Variants in SHCBP1L observed in about 807,000 individuals in gnomAD.
SHCBP1L encodes testicular spindle-associated protein SHCBP1L.
SHCBP1L carries 67 observed loss-of-function variants against 62.5 expected under a neutral mutation model. The observed-to-expected ratio is 1.07, with a 90% CI of 0.88 to 1.31. The LOEUF (loss-of-function observed/expected upper bound fraction) is 1.31. SHCBP1L is among the 40% of genes most tolerant of loss of function. The pLI, the probability that SHCBP1L is intolerant of heterozygous loss-of-function variation, is 0.00. For missense variants in SHCBP1L, 823 were observed against 809.8 expected (o/e 1.02, Z -0.20); for synonymous variants, 284 against 289.4 (o/e 0.98, Z 0.19).
chr1:182,936,889 A>T (rs1177762660), intron 5 of SHCBP1L, among the ~76,000 whole-genome samples: 3 of 151,826 alleles, frequency 2.0e-5, no homozygotes, highest in African/African-American at 7.3e-5. Context: ...CCTCCACAAA[A>T]ATAAAAATAA....
intron 6 of SHCBP1L, among the ~76,000 whole-genome samples, chr1:182,914,090 G>A (rs971879394): frequency 3.9e-5 from 6 of 152,202 alleles, no homozygotes; most frequent in African/African-American, 1.4e-4. Flanking sequence ...GATTAAGGCT[G>A]CTTTCTCATC....
chr1:182,944,885 T>C (rs890444964), intron 2 of SHCBP1L, among the ~76,000 whole-genome samples: 1 of 151,990 alleles, frequency 6.6e-6, no homozygotes, highest in Non-Finnish European at 1.5e-5. Context: ...TTTTCATTCC[T>C]GCAAAAAACG....
At chr1:182,926,593 T>C (rs1650754141) in intron 6 of SHCBP1L, among the ~76,000 whole-genome samples, 1 of 152,198 alleles carries the variant, frequency 6.6e-6, no homozygotes, top group Non-Finnish European at 1.5e-5. Context: ...CATAGAAATA[T>C]TAAGAAGCAA....
At chr1:182,918,171 C>CATATATACATATATACACAT (rs1650416289) in intron 6 of SHCBP1L, among the ~76,000 whole-genome samples, 2 of 139,032 alleles carry the variant, frequency 1.4e-5, no homozygotes, top group African/African-American at 5.5e-5. Context: ...TATATACACA[C>CATATATACATATATACACAT]ATATATACAT....
chr1:182,928,472 G>C (rs1480826105), intron 6 of SHCBP1L, among the ~76,000 whole-genome samples: 2 of 152,238 alleles, frequency 1.3e-5, no homozygotes, highest in Admixed American at 6.5e-5. Flanking sequence ...ATTGTATACA[G>C]CAGTCTAATG....
At chr1:182,918,585 A>G (rs1474762535) in intron 6 of SHCBP1L, among the ~76,000 whole-genome samples, 6 of 152,186 alleles carry the variant, frequency 3.9e-5, no homozygotes, top group Admixed American at 6.5e-5. Flanking sequence ...TACTACTTAC[A>G]TTGATCTACA....
chr1:182,900,347 AC>A, intron 9 of SHCBP1L, 113 bp from the exon 10 acceptor site: 1 of 854,546 alleles, frequency 1.2e-6, no homozygotes, highest in South Asian at 2.4e-5. Context: ...ATTTTTTAAA[AC>A]AACCAAGACT....
chr1:182,931,111 A>G (rs551534668), intron 5 of SHCBP1L, among the ~76,000 whole-genome samples: 1 of 152,240 alleles, frequency 6.6e-6, no homozygotes, highest in Non-Finnish European at 1.5e-5. Flanking sequence ...TATGCAAGTT[A>G]TTAAAAACTG....
rs1375364989 is a variant in SHCBP1L at position 182,903,056 on chromosome 1, C to T, written c.1693G>A (p.Gly565Ser). The change falls in exon 9 of 10, where the codon GGT becomes AGT. Residue 565 changes from glycine (G) to serine (S), a missense_variant. Gly to Ser is a moderately conservative substitution (Grantham distance 56). Transcript: ENST00000367547. ...GAGAATACCTTCATATTAACTCCAC[C>T]TAAGGTGCTTTTTGAACTGTTACTG... ...RTSNSSKSTL[G>S]GVNMKVLPAP... 1 of 1,592,062 alleles carries T rather than the reference C, an allele frequency of 6.3e-7. No individual in the cohort carries two copies. The highest frequency in any genetic ancestry group is 1.2e-5 in the South Asian group (1 of 86,534).
chr1:182,951,104 T>G (rs1197308471), intron 2 of SHCBP1L, among the ~76,000 whole-genome samples: 1 of 152,192 alleles, frequency 6.6e-6, no homozygotes, highest in African/African-American at 2.4e-5. Context: ...CTAATAAATA[T>G]TGTCTGATAC....
chr1:182,921,458 C>T (rs771923031), intron 6 of SHCBP1L, among the ~76,000 whole-genome samples: 23 of 152,136 alleles, frequency 1.5e-4, no homozygotes, highest in Non-Finnish European at 2.8e-4. Context: ...TGCATAACAA[C>T]GAGCTAATAG....
chr1:182,924,975 A>AAAG (rs1491508466), intron 6 of SHCBP1L, among the ~76,000 whole-genome samples: 60 of 128,504 alleles, frequency 4.7e-4, no homozygotes, highest in Non-Finnish European at 7.1e-4. Flanking sequence ...AGAAAGAAAG[A>AAAG]AAAAAAAAGG....
chr1:182,940,009 T>C (rs1411318680), intron 3 of SHCBP1L, among the ~76,000 whole-genome samples: 1 of 152,132 alleles, frequency 6.6e-6, no homozygotes, highest in African/African-American at 2.4e-5. Flanking sequence ...GAGAAATGAA[T>C]GTTAATAAAT....
Position 182,929,686 on chromosome 1 carries a change from A to G in SHCBP1L, c.1143T>C (p.Thr381=), listed in dbSNP as rs748536878. The change falls in exon 6 of 10, where the codon ACT becomes ACC. Residue 381 remains threonine (T), a synonymous_variant. Transcript: ENST00000367547. ...RRKGKREFGK[T]ITHIVAKMMT... ...TCATTTTTGCTACAATATGTGTTAT[A>G]GTCTTTCCAAATTCTCTTTTTCCTT... 3.1e-6 allele frequency: 5 copies of G among 1,593,972 alleles called. No individual in the cohort carries two copies. The East Asian group carries it at 9.0e-5, about 29-fold the overall frequency.
At chr1:182,918,147 TATATATACACATATATATACACAC>T (rs1557994169) in intron 6 of SHCBP1L, among the ~76,000 whole-genome samples, 1 of 133,630 alleles carries the variant, frequency 7.5e-6, no homozygotes. Flanking sequence ...TATATACACA[TATATATACACATATATATACACAC>T]ATATATACAT....
intron 6 of SHCBP1L, among the ~76,000 whole-genome samples, chr1:182,917,825 T>C (rs971237790): frequency 1.2e-4 from 18 of 152,256 alleles, no homozygotes; most frequent in African/African-American, 3.6e-4. Flanking sequence ...GCTTACATTT[T>C]AGGGTACTGG....
In SHCBP1L at chr1:182,904,239, C is replaced by G; in HGVS notation, c.1528G>C (p.Val510Leu). 2 of 1,614,168 alleles carry G rather than the reference C, an allele frequency of 1.2e-6. 1 individual carries two copies. The highest frequency in any genetic ancestry group is 2.2e-5 in the South Asian group (2 of 91,088). Reference protein sequence around the residue: ...NCILKCEGTGVCVLTGAALTI... With the variant: ...NCILKCEGTGLCVLTGAALTI... Reference sequence around the variant, plus strand: ...AAAGCAGCCCCTGTAAGAACACACACTCCTGTTCCTTCACATTTTAATATG... The same window carrying G: ...AAAGCAGCCCCTGTAAGAACACACAGTCCTGTTCCTTCACATTTTAATATG... Residue 510 changes from valine to leucine, a missense_variant, in exon 8 of 10, where the codon GTG (valine) becomes CTG (leucine). Coordinates refer to ENST00000367547, the MANE Select transcript of SHCBP1L (RefSeq NM_030933.4).
In SHCBP1L at chr1:182,904,307, C is replaced by A; in HGVS notation, c.1460G>T (p.Gly487Val). 6.2e-7 allele frequency: 1 copy of A among 1,614,114 alleles called. No homozygotes were observed. The highest frequency in any genetic ancestry group is 1.1e-5 in the South Asian group (1 of 91,076). ...LSLIQQGTVD[G>V]IVVVESGHMT... ...GTGACCAGACTCCACCACCACGATA[C>A]CATCAACCGTCCCTTGTTGTATCAA... Residue 487 changes from glycine (G) to valine (V), a missense_variant, in exon 8 of 10, where the codon GGT (glycine) becomes GTT (valine). Gly to Val is a moderately radical substitution (Grantham distance 109). Coordinates refer to ENST00000367547, the MANE Select transcript of SHCBP1L (RefSeq NM_030933.4).
At chr1:182,915,389 G>A (rs1241755258) in intron 6 of SHCBP1L, among the ~76,000 whole-genome samples, 1 of 152,032 alleles carries the variant, frequency 6.6e-6, no homozygotes, top group East Asian at 1.9e-4. Flanking sequence ...TCATCAAGAA[G>A]ATGTACCAAT....
Sources: gnomAD v4.1 joint callset for allele counts (sites outside exome capture counted in the v4.1 genomes callset) on GRCh38, gnomAD v4.1.1 for gene constraint, MANE v1.5 for transcripts, NCBI Gene and HGNC (gene_info 2026-07-23, HGNC 2026-07-21) for gene names.